Variants in MMP16 observed in about 807,000 individuals in gnomAD.
MMP16 encodes matrix metalloproteinase-16.
In MMP16, 12 loss-of-function variants were observed where a neutral mutation model predicts 67.8. The ratio of observed to expected loss-of-function variants is 0.18; its 90% CI spans 0.11 to 0.29. MMP16 has a LOEUF of 0.29. MMP16 is among the 10% of genes least tolerant of loss of function. The pLI, the probability that MMP16 is intolerant of heterozygous loss-of-function variation, is 1.00. For synonymous variants in MMP16, 249 were observed against 255.9 expected (o/e 0.97, Z 0.26); for missense variants, 475 against 765.7 (o/e 0.62, Z 4.48).
At chr8:88,207,370 A>T (rs1472025318) in intron 1 of MMP16, among the ~76,000 whole-genome samples, 1 of 152,160 alleles carries the variant, frequency 6.6e-6, no homozygotes, top group African/African-American at 2.4e-5. Flanking sequence ...GTATCTGCTG[A>T]AAACGCTATG....
At chr8:88,252,964 G>A (rs997051812) in intron 1 of MMP16, among the ~76,000 whole-genome samples, 1 of 152,008 alleles carries the variant, frequency 6.6e-6, no homozygotes, top group Non-Finnish European at 1.5e-5. Context: ...GCAATTCTCT[G>A]GGAACTAGTT....
intron 1 of MMP16, among the ~76,000 whole-genome samples, chr8:88,223,513 G>A (rs993557445): frequency 1.5e-4 from 23 of 151,828 alleles, no homozygotes; most frequent in Admixed American, 5.2e-4. Flanking sequence ...CTATGCAGCC[G>A]TAAAAAGGAT....
At chr8:88,060,584 ACTTAG>A (rs1808385840) in intron 7 of MMP16, among the ~76,000 whole-genome samples, 2 of 152,046 alleles carry the variant, frequency 1.3e-5, no homozygotes, top group South Asian at 4.1e-4. Flanking sequence ...CACTTTCAAA[ACTTAG>A]CTTAGCACGA....
In MMP16 at chr8:88,221,157, A is replaced by G. The variant is rs1398992604; in HGVS notation, c.133-23851T>C. Among the ~76,000 whole-genome samples, 3 of 152,108 alleles carry G rather than the reference A, an allele frequency of 2.0e-5. No individual in the cohort carries two copies. In the East Asian group the frequency reaches 5.8e-4, roughly 29 times the overall value. ...CTGGGAGGGGTGGGGAGTGAGTGAC[A>G]GTCTGCCCAATAAATGGCAAGATGC... On this transcript the variant is annotated intron_variant, in intron 1 of 9. Transcript: ENST00000286614.
chr8:88,213,128 C>T (rs529925673), intron 1 of MMP16, among the ~76,000 whole-genome samples: 2 of 152,188 alleles, frequency 1.3e-5, no homozygotes, highest in South Asian at 4.1e-4. Flanking sequence ...GATTTGGGGG[C>T]TGTACTTGTG....
intron 1 of MMP16, among the ~76,000 whole-genome samples, chr8:88,218,549 T>C (rs1219658258): frequency 6.6e-6 from 1 of 152,084 alleles, no homozygotes; most frequent in Non-Finnish European, 1.5e-5. Context: ...TTGATAGTGG[T>C]AATTGTTTCA....
intron 1 of MMP16, among the ~76,000 whole-genome samples, chr8:88,239,164 G>A (rs909768884): frequency 1.5e-4 from 23 of 151,480 alleles, no homozygotes; most frequent in African/African-American, 5.3e-4. Flanking sequence ...GCGTGGTGGC[G>A]CTTGCTTATA....
chr8:88,153,592 C>T (rs904547496), intron 4 of MMP16, among the ~76,000 whole-genome samples: 6 of 151,634 alleles, frequency 4.0e-5, no homozygotes, highest in African/African-American at 1.5e-4. Flanking sequence ...CTTTGACAAA[C>T]CTGAGAAAAA....
intron 4 of MMP16, among the ~76,000 whole-genome samples, chr8:88,149,784 A>C (rs1808368868): frequency 6.6e-6 from 1 of 151,924 alleles, no homozygotes; most frequent in African/African-American, 2.4e-5. Context: ...GAAAAACTGG[A>C]AACTCTAAAA....
At position 88,236,978 on chromosome 8, in the gene MMP16, C is replaced by T. The variant is rs915190008; in HGVS notation, c.133-39672G>A. On this transcript the variant is annotated intron_variant, in intron 1 of 9. Transcript: ENST00000286614. ...TCCATATAGTACTTCACAGTTCCTG[C>T]AACACAGACAAGTCAGGCGAGGTTA... Among the ~76,000 whole-genome samples, 7 of 152,128 alleles carry T rather than the reference C, an allele frequency of 4.6e-5. No homozygotes were observed. The East Asian group carries it at 7.7e-4, about 17-fold the overall frequency.
chr8:88,083,563 A>G (rs1250421729), intron 6 of MMP16, among the ~76,000 whole-genome samples: 1 of 152,116 alleles, frequency 6.6e-6, no homozygotes, highest in Non-Finnish European at 1.5e-5. Flanking sequence ...TAAGAGTTCG[A>G]GAGTAGTAAT....
intron 1 of MMP16, among the ~76,000 whole-genome samples, chr8:88,258,275 A>G (rs1369433763): frequency 6.6e-6 from 1 of 152,308 alleles, no homozygotes; most frequent in East Asian, 1.9e-4. Context: ...CCAGCCTTCA[A>G]GAAGAAAGAT....
At chr8:88,174,693 CT>C (rs1337163795) in intron 3 of MMP16, among the ~76,000 whole-genome samples, 1 of 151,822 alleles carries the variant, frequency 6.6e-6, no homozygotes, top group Non-Finnish European at 1.5e-5. Flanking sequence ...GCTGAGAATG[CT>C]TAGCTTTAAT....
chr8:88,250,014 C>A (rs1810181907), intron 1 of MMP16, among the ~76,000 whole-genome samples: 1 of 152,088 alleles, frequency 6.6e-6, no homozygotes, highest in Non-Finnish European at 1.5e-5. Flanking sequence ...GTTACATAAG[C>A]AAAAACTCAT....
chr8:88,086,619 A>G (rs1271397027), intron 6 of MMP16, among the ~76,000 whole-genome samples: 1 of 151,868 alleles, frequency 6.6e-6, no homozygotes, highest in Non-Finnish European at 1.5e-5. Flanking sequence ...CACACCTATC[A>G]AGAATTACCA....
chr8:88,281,093 T>A (rs530778571), intron 1 of MMP16, among the ~76,000 whole-genome samples: 2 of 152,276 alleles, frequency 1.3e-5, no homozygotes, highest in Non-Finnish European at 1.5e-5. Flanking sequence ...AGTACAAGAC[T>A]TGTATCAAGG....
At chr8:88,087,883 G>T (rs1007555048) in intron 6 of MMP16, among the ~76,000 whole-genome samples, 5 of 151,446 alleles carry the variant, frequency 3.3e-5, no homozygotes, top group African/African-American at 1.2e-4. Flanking sequence ...GGTTGAGGCT[G>T]CAGTGAGCCG....
At chr8:88,113,968 AC>A (rs1336267119) in intron 6 of MMP16, among the ~76,000 whole-genome samples, 28 of 152,116 alleles carry the variant, frequency 1.8e-4, no homozygotes, top group African/African-American at 6.5e-4. Flanking sequence ...ATTTCAGGTA[AC>A]AAAGTAAAAA....
chr8:88,280,060 C>T (rs565015574), intron 1 of MMP16, among the ~76,000 whole-genome samples: 8 of 152,270 alleles, frequency 5.3e-5, no homozygotes, highest in South Asian at 2.1e-4. Flanking sequence ...CATGACCAAG[C>T]GGAGTCTCCC....
Sources: allele counts gnomAD v4.1 joint callset (sites outside exome capture counted in the v4.1 genomes callset), GRCh38; gene constraint gnomAD v4.1.1; transcripts MANE v1.5; gene names NCBI Gene and HGNC (gene_info 2026-07-23, HGNC 2026-07-21).